PRC1: variants seen among roughly 807,000 people sequenced by gnomAD.
PRC1 encodes anaphase spindle elongation 1 homolog.
Under a neutral mutation model 91.2 loss-of-function variants are expected in PRC1, and 54 were observed. The observed-to-expected ratio is 0.59, with a 90% CI of 0.48 to 0.74. PRC1 has a LOEUF of 0.74. Among genes scored for constraint, PRC1 ranks in the 30% least tolerant of loss-of-function variants. The pLI is 0.00. For synonymous variants in PRC1, 275 were observed against 263.6 expected, an observed-to-expected ratio of 1.04 and a Z score of -0.42; for missense variants, 727 against 746.2, an observed-to-expected ratio of 0.97 and a Z score of 0.30.
Position 90,974,298 on chromosome 15 carries a change from T to C in PRC1, c.1351-52A>G, listed in dbSNP as rs1156533953. The C allele has an allele frequency of 2.6e-5, 39 of 1,493,986 alleles. No individual in the cohort carries two copies. The East Asian group carries it at 8.8e-4, about 34-fold the overall frequency. The allele number at this position is 1,493,986 out of a possible 1,614,324, so 92.5% of individuals were successfully genotyped here. ...ATAAATCTCAGGAAGAGAGCGGGTC[T>C]GGGATGGCAACAGCAGCAGGGCCGG... On this transcript the variant is annotated intron_variant, in intron 10 of 14. Transcript: ENST00000394249. The surrounding 1 kb of genome is among the most constrained non-coding windows in gnomAD (Gnocchi z 4.6).
At chr15:90,980,814 AAC>A (rs1183327760) in intron 6 of PRC1, 68 bp downstream of exon 6, 4 of 1,597,366 alleles carry the variant, frequency 2.5e-6, no homozygotes, top group African/African-American at 2.7e-5. Flanking sequence ...CCAAATCAAC[AAC>A]AGTCTTTATG....
In PRC1 at chr15:90,981,908, T is replaced by A. The variant is rs754674872; in HGVS notation, c.341A>T (p.Lys114Ile). The A allele has an allele frequency of 1.2e-6, 2 of 1,614,232 alleles. No homozygotes were observed. The highest frequency in any genetic ancestry group is 4.5e-5 in the East Asian group (2 of 44,888). Reference protein sequence around the residue: ...RTQVELMRKQKKERKQELKLL... With the variant: ...RTQVELMRKQIKERKQELKLL... ...CTTCAGTTCCTGTTTTCTCTCCTTT[T>A]TCTGTTTTCGCATCAATTCCACTTG... Residue 114 changes from lysine (K) to isoleucine (I), a missense_variant, in exon 4 of 15, where the codon AAA (lysine) becomes ATA (isoleucine). Coordinates refer to ENST00000394249, the MANE Select transcript of PRC1 (RefSeq NM_003981.4).
intron 11 of PRC1, among the ~76,000 whole-genome samples, chr15:90,972,353 G>A (rs536203064): frequency 2.0e-5 from 3 of 151,950 alleles, no homozygotes; most frequent in Non-Finnish European, 2.9e-5. Context: ...ACTGCACTCC[G>A]GTGTGGGTGA....
chr15:90,981,735 G>A lies in PRC1; in HGVS notation c.501+13C>T, dbSNP rs1183991132. On this transcript the variant is annotated intron_variant, in intron 4 of 14. Transcript: ENST00000394249. ...AAAGTGACTTTTAGGAAGAACAAAT[G>A]TAGGCAGTGTACCTTTGTTTCCCTC... is the stretch of plus-strand genomic sequence containing the variant. 1.2e-6 allele frequency: 2 copies of A among 1,609,416 alleles called. No individual in the cohort carries two copies. Among genetic ancestry groups the A allele is most frequent in the Admixed American group, 1.7e-5 (1 of 59,674 alleles).
chr15:90,967,827 G>C (rs377334316), intron 14 of PRC1: 23 of 984,370 alleles, frequency 2.3e-5, no homozygotes, highest in Non-Finnish European at 2.7e-5. Context: ...GTCATTAAGC[G>C]AGGCATGACT....
At chr15:90,971,371 G>A (rs1046572397) in intron 11 of PRC1, among the ~76,000 whole-genome samples, 3 of 152,020 alleles carry the variant, frequency 2.0e-5, no homozygotes, top group Non-Finnish European at 2.9e-5. Flanking sequence ...CTGCAGCCTC[G>A]ACCTCCTGGG....
rs377324152 is a variant in PRC1, at chr15:90,969,457, G to T, written c.1739C>A (p.Ser580Tyr). 2 of 1,602,326 alleles carry T rather than the reference G, an allele frequency of 1.2e-6. No individual in the cohort carries two copies. The highest frequency in any genetic ancestry group is 2.7e-5 in the African/African-American group (2 of 74,490). Residue 580 changes from serine to tyrosine, a missense_variant, in exon 13 of 15, where the codon TCT (serine) becomes TAT (tyrosine). Physicochemically the swap from Ser to Tyr is moderately radical, Grantham distance 144. Coordinates refer to ENST00000394249, the MANE Select transcript of PRC1 (RefSeq NM_003981.4). ...FSINSVASTY[S>Y]EFAKDPSLSD... Reference sequence around the variant, plus strand: ...GAAAAGGTGAATTACCGCAAACTCAGAATAGGTGCTGGCAACAGAATTAAT... The same window carrying T: ...GAAAAGGTGAATTACCGCAAACTCATAATAGGTGCTGGCAACAGAATTAAT...
Position 90,993,649 on chromosome 15 carries a change from C to T in PRC1, c.11+758G>A, listed in dbSNP as rs372423647. Among the ~76,000 whole-genome samples, 35 of 152,318 alleles carry T rather than the reference C, an allele frequency of 2.3e-4. 2 individuals are homozygous for T. The highest frequency in any genetic ancestry group is 1.2e-3 in the Admixed American group (19 of 15,300). ...TCACCGTCTGGTCCCGATTTCAAGT[C>T]GGACAGTCCCTCCCCAACACCGCCT... is the stretch of plus-strand genomic sequence containing the variant. On this transcript the variant is annotated intron_variant, in intron 1 of 14. Coordinates refer to ENST00000394249, the MANE Select transcript of PRC1 (RefSeq NM_003981.4).
At position 90,984,192 on chromosome 15, in the gene PRC1, C is replaced by G; in HGVS notation, c.145-52G>C. ...TTTGGGGCAATGGAGGAAAAAAACT[C>G]CCAACACCAATACCAAACTCCTCAA... On this transcript the variant is annotated intron_variant, in intron 2 of 14. Transcript: ENST00000394249. This position sits in a 1 kb window ranked among gnomAD's most constrained non-coding sequence, Gnocchi z 5.1. 6.3e-7 allele frequency: 1 copy of G among 1,596,556 alleles called. No individual in the cohort carries two copies. The highest frequency in any genetic ancestry group is 8.5e-7 in the Non-Finnish European group (1 of 1,169,644).
intron 14 of PRC1, chr15:90,968,033 G>A: frequency 1.0e-6 from 1 of 985,158 alleles, no homozygotes; most frequent in South Asian, 4.7e-5. Flanking sequence ...AATGGCTATT[G>A]AGAAAGACAG....
intron 1 of PRC1, among the ~76,000 whole-genome samples, chr15:90,992,134 T>C (rs1215312389): frequency 6.6e-6 from 1 of 152,210 alleles, no homozygotes; most frequent in Non-Finnish European, 1.5e-5. Flanking sequence ...CTTAGGTCTT[T>C]GCTCAGAGAT....
chr15:90,974,225 T>C lies in PRC1; in HGVS notation c.1372A>G (p.Thr458Ala). The C allele has an allele frequency of 6.2e-7, 1 of 1,614,160 alleles. No individual in the cohort carries two copies. The highest frequency in any genetic ancestry group is 1.1e-5 in the South Asian group (1 of 91,082). The change falls in exon 11 of 15, where the codon ACA becomes GCA. Residue 458 changes from threonine to alanine, a missense_variant. Physicochemically the swap from Thr to Ala is moderately conservative, Grantham distance 58. Coordinates refer to ENST00000394249, the MANE Select transcript of PRC1 (RefSeq NM_003981.4). This position sits in a 1 kb window ranked among gnomAD's most constrained non-coding sequence, Gnocchi z 4.6. ...CTGCCATACAGCATCTCTGTCTCTGTCTGTTTTTTGTTCTTCAGTTGCTGT... is the reference window on the plus strand; with the variant it reads ...CTGCCATACAGCATCTCTGTCTCTGCCTGTTTTTTGTTCTTCAGTTGCTGT... ...QERQLKNKKQ[T>A]ETEMLYGSAP...
At chr15:90,972,367 A>G (rs907083203) in intron 11 of PRC1, among the ~76,000 whole-genome samples, 7 of 152,136 alleles carry the variant, frequency 4.6e-5, no homozygotes, top group Non-Finnish European at 4.4e-5. Context: ...TGGGTGATAG[A>G]GCAAGACACT....
At chr15:90,972,109 G>C (rs2038188106) in intron 11 of PRC1, among the ~76,000 whole-genome samples, 2 of 149,514 alleles carry the variant, frequency 1.3e-5, no homozygotes, top group Admixed American at 6.7e-5. Flanking sequence ...GGGAGGCTGA[G>C]GCAGGAGGAT....
intron 13 of PRC1, 95 bp downstream of exon 13, chr15:90,969,352 C>G: frequency 6.9e-7 from 1 of 1,443,848 alleles, no homozygotes; most frequent in Non-Finnish European, 9.5e-7. Flanking sequence ...AGGTAGCTGC[C>G]CTAGCTAATA....
chr15:90,984,688 C>T lies in PRC1; in HGVS notation c.144+5G>A. ...CAATGCAGAGACCAGTACTATTCAA[C>T]CCACCTTGATATGCTTCTTTACCAC... is the stretch of plus-strand genomic sequence containing the variant. On this transcript the variant is annotated splice_donor_5th_base_variant and intron_variant, in intron 2 of 14. Coordinates refer to ENST00000394249, the MANE Select transcript of PRC1 (RefSeq NM_003981.4). The surrounding 1 kb of genome is among the most constrained non-coding windows in gnomAD (Gnocchi z 5.1). The T allele has an allele frequency of 6.2e-7, 1 of 1,614,120 alleles. No homozygotes were observed. Among genetic ancestry groups the T allele is most frequent in the Non-Finnish European group, 8.5e-7 (1 of 1,179,980 alleles).
At position 90,967,042 on chromosome 15, in the gene PRC1, C is replaced by T. The variant is rs2037557247; in HGVS notation, c.*89G>A. ...AACCTGGCCAAGGTTTCAAGCACGC[C>T]TAAGCTGAAGAAAAACTAAAGTCAC... On this transcript the variant is annotated 3_prime_UTR_variant, in exon 15 of 15. Coordinates refer to ENST00000394249, the MANE Select transcript of PRC1 (RefSeq NM_003981.4). 3 of 1,224,104 alleles carry T rather than the reference C, an allele frequency of 2.5e-6. No homozygotes were observed. Among genetic ancestry groups the T allele is most frequent in the Admixed American group, 1.8e-5 (1 of 55,902 alleles). The allele number at this position is 1,224,104 out of a possible 1,614,324, so 75.8% of individuals were successfully genotyped here. A position where few individuals can be genotyped will look rare whatever the true frequency, so the allele number is the denominator to read the frequency against.
At position 90,984,504 on chromosome 15, in the gene PRC1, C is replaced by T. The variant is rs2039441528; in HGVS notation, c.144+189G>A. Among the ~76,000 whole-genome samples the T allele has an allele frequency of 6.6e-6, 1 of 152,124 alleles. No individual in the cohort carries two copies. Among genetic ancestry groups the T allele is most frequent in the Non-Finnish European group, 1.5e-5 (1 of 68,016 alleles). Reference sequence around the variant, plus strand: ...TCGGCCTCCCAAAGTGCTGGGATTACAGGCATGAGCCACCGCACCCAGCCT... The same window carrying T: ...TCGGCCTCCCAAAGTGCTGGGATTATAGGCATGAGCCACCGCACCCAGCCT... On this transcript the variant is annotated intron_variant, in intron 2 of 14. Coordinates refer to ENST00000394249, the MANE Select transcript of PRC1 (RefSeq NM_003981.4). This position sits in a 1 kb window ranked among gnomAD's most constrained non-coding sequence, Gnocchi z 5.1.
chr15:90,975,788 A>T (rs974657780), intron 9 of PRC1, among the ~76,000 whole-genome samples: 2 of 152,184 alleles, frequency 1.3e-5, no homozygotes, highest in Non-Finnish European at 2.9e-5. Context: ...GTCCAAGACC[A>T]GCCTGGTCAA....
Sources: allele counts gnomAD v4.1 joint callset (sites outside exome capture counted in the v4.1 genomes callset), GRCh38; gene constraint gnomAD v4.1.1; non-coding constraint Gnocchi (gnomAD v3.1); transcripts MANE v1.5; gene names NCBI Gene and HGNC (gene_info 2026-07-23, HGNC 2026-07-21).